The following MEIS2 variants were observed in gnomAD, a reference collection of about 807,000 sequenced individuals.
MEIS2 encodes homeobox protein Meis2.
In MEIS2, 9 loss-of-function variants were observed where a neutral mutation model predicts 58.6. That is an observed-to-expected ratio of 0.15 (90% CI 0.09 to 0.27). MEIS2 has a LOEUF of 0.27. MEIS2 is among the 10% of genes least tolerant of loss of function. The pLI is 1.00. For synonymous variants in MEIS2, 221 were observed against 228.4 expected, an observed-to-expected ratio of 0.97 and a Z score of 0.29; for missense variants, 427 against 635.0, an observed-to-expected ratio of 0.67 and a Z score of 3.52.
chr15:37,093,581 A>G lies in MEIS2; in HGVS notation c.639T>C (p.His213=). ...LSGSSTNLAD[H]NPSSWRDHDD... ...GATTGCTAAAGGCTAGCAGACTTAC[A>G]TGGTCAGCGAGATTTGTGGAGGAGC... The change falls in exon 6 of 12, where the codon CAT becomes CAC. Residue 213 remains histidine, a splice_region_variant and synonymous_variant. Transcript: ENST00000561208. The G allele has an allele frequency of 6.2e-7, 1 of 1,614,128 alleles. No homozygotes were observed. The highest frequency in any genetic ancestry group is 8.5e-7 in the Non-Finnish European group (1 of 1,179,960).
At chr15:37,063,111 G>A (rs1162960480) in intron 7 of MEIS2, among the ~76,000 whole-genome samples, 1 of 152,178 alleles carries the variant, frequency 6.6e-6, no homozygotes, top group Non-Finnish European at 1.5e-5. Context: ...GCATATGATA[G>A]AAAATACCAA....
intron 8 of MEIS2, among the ~76,000 whole-genome samples, chr15:37,016,804 C>G (rs2061364532): frequency 6.6e-6 from 1 of 152,130 alleles, no homozygotes; most frequent in Admixed American, 6.5e-5. Flanking sequence ...AAATAACTAG[C>G]AGATGGATTT....
At chr15:37,041,831 G>A (rs531737319) in intron 7 of MEIS2, among the ~76,000 whole-genome samples, 1 of 152,024 alleles carries the variant, frequency 6.6e-6, no homozygotes, top group Non-Finnish European at 1.5e-5. Context: ...TTTAAAAAAA[G>A]CTTAAAAAAA....
At chr15:37,000,716 C>G (rs2060691708) in intron 8 of MEIS2, among the ~76,000 whole-genome samples, 1 of 152,104 alleles carries the variant, frequency 6.6e-6, no homozygotes, top group Non-Finnish European at 1.5e-5. Context: ...ATTCTCCCAT[C>G]CCTTGAATTT....
At chr15:37,020,484 C>A (rs2061488706) in intron 8 of MEIS2, among the ~76,000 whole-genome samples, 1 of 152,152 alleles carries the variant, frequency 6.6e-6, no homozygotes, top group Admixed American at 6.5e-5. Flanking sequence ...TTTTAGCCAA[C>A]CGAATAGTCC....
At chr15:36,947,174 T>C (rs932967667) in intron 9 of MEIS2, among the ~76,000 whole-genome samples, 8 of 151,970 alleles carry the variant, frequency 5.3e-5, no homozygotes, top group Admixed American at 2.0e-4. Context: ...ATTTATGGAC[T>C]TCCAAGAGTT....
intron 7 of MEIS2, among the ~76,000 whole-genome samples, chr15:37,056,810 C>A (rs1827150117): frequency 6.6e-6 from 1 of 152,210 alleles, no homozygotes; most frequent in African/African-American, 2.4e-5. Flanking sequence ...GACCCCCACC[C>A]TGGGCACAAT....
At chr15:36,977,534 G>A (rs990315657) in intron 8 of MEIS2, among the ~76,000 whole-genome samples, 1 of 152,118 alleles carries the variant, frequency 6.6e-6, no homozygotes, top group African/African-American at 2.4e-5. Flanking sequence ...GAATAATAAT[G>A]CCTACAGCAC....
chr15:37,027,722 A>G (rs2061753964), intron 8 of MEIS2, among the ~76,000 whole-genome samples: 1 of 152,124 alleles, frequency 6.6e-6, no homozygotes, highest in African/African-American at 2.4e-5. Flanking sequence ...TGGTAATTTA[A>G]TAAGCCTTTC....
chr15:36,940,255 G>A (rs750580888), intron 9 of MEIS2, among the ~76,000 whole-genome samples: 1 of 152,028 alleles, frequency 6.6e-6, no homozygotes, highest in Non-Finnish European at 1.5e-5. Flanking sequence ...CAAGTTGTCA[G>A]TTTCTGACAT....
At chr15:37,098,456 G>A in intron 1 of MEIS2, 2 of 1,119,208 alleles carry the variant, frequency 1.8e-6, no homozygotes, top group Non-Finnish European at 1.1e-6. Context: ...TCAGAAAGGA[G>A]AAAAGTACCG....
At chr15:36,923,808 G>C (rs560326153) in intron 9 of MEIS2, among the ~76,000 whole-genome samples, 29 of 152,298 alleles carry the variant, frequency 1.9e-4, no homozygotes, top group African/African-American at 6.7e-4. Context: ...ACTCAAAAGG[G>C]AAGCACAAAA....
intron 9 of MEIS2, among the ~76,000 whole-genome samples, chr15:36,937,929 G>C (rs1381652915): frequency 2.0e-5 from 3 of 152,130 alleles, no homozygotes; most frequent in Non-Finnish European, 4.4e-5. Flanking sequence ...GGAAAGGCAG[G>C]CTTCTTACTT....
chr15:36,929,206 T>C (rs1169797794), intron 9 of MEIS2, among the ~76,000 whole-genome samples: 1 of 152,188 alleles, frequency 6.6e-6, no homozygotes, highest in African/African-American at 2.4e-5. Flanking sequence ...CTTAAAGACA[T>C]GTTACTTACA....
intron 9 of MEIS2, among the ~76,000 whole-genome samples, chr15:36,919,323 A>G (rs576284683): frequency 6.6e-6 from 1 of 152,346 alleles, no homozygotes; most frequent in South Asian, 2.1e-4. Context: ...TCACACCTGT[A>G]ACCCCAGCAC....
chr15:36,892,534 A>AG lies in MEIS2; in HGVS notation c.1148-76dup, dbSNP rs1398603424. 22 of 1,086,698 alleles carry AG rather than the reference A, an allele frequency of 2.0e-5. No individual in the cohort carries two copies. The African/African-American group carries it at 2.9e-4, about 14-fold the overall frequency. 67.3% of individuals were successfully genotyped at this position (1,086,698 alleles called of 1,614,324 possible). On this transcript the variant is annotated intron_variant, in intron 11 of 11. Transcript: ENST00000561208. ...TATACTTTACCCATCAAAGATGAAA[A>AG]GAAAAAAAAAAAAAAAACAACAGAC...
chr15:37,089,840 T>C (rs561178215), intron 6 of MEIS2, among the ~76,000 whole-genome samples: 4 of 152,042 alleles, frequency 2.6e-5, no homozygotes, highest in Non-Finnish European at 5.9e-5. Flanking sequence ...TATCTTTACA[T>C]GTAAATGTGA....
At chr15:36,990,055 C>T (rs1222094631) in intron 8 of MEIS2, among the ~76,000 whole-genome samples, 3 of 152,182 alleles carry the variant, frequency 2.0e-5, no homozygotes, top group African/African-American at 7.2e-5. Flanking sequence ...TGCCATTCTC[C>T]TGCCTCAGCC....
In MEIS2 at chr15:36,896,869, T is replaced by C. The variant is rs186883005; in HGVS notation, c.978-183A>G. On this transcript the variant is annotated intron_variant, in intron 9 of 11. Coordinates refer to ENST00000561208, the MANE Select transcript of MEIS2 (RefSeq NM_170675.5). Reference sequence around the variant, plus strand: ...TTGACTGGGTAATCTCCGTCGTCACTGCGTAGTCAACTCCAAAACAACTTG... The same window carrying C: ...TTGACTGGGTAATCTCCGTCGTCACCGCGTAGTCAACTCCAAAACAACTTG... The C allele has an allele frequency of 1.1e-4, 63 of 567,528 alleles. 1 individual carries two copies. In the Middle Eastern group the frequency reaches 3.4e-3, roughly 31 times the overall value. 35.2% of individuals were successfully genotyped at this position (567,528 alleles called of 1,614,324 possible).
Sources: gnomAD v4.1 joint callset for allele counts (sites outside exome capture counted in the v4.1 genomes callset) on GRCh38, gnomAD v4.1.1 for gene constraint, MANE v1.5 for transcripts, NCBI Gene and HGNC (gene_info 2026-07-23, HGNC 2026-07-21) for gene names.